AK8: variants seen among roughly 807,000 people sequenced by gnomAD.
AK8 encodes ATP-AMP transphosphorylase 8.
Under a neutral mutation model 54.6 loss-of-function variants are expected in AK8, and 44 were observed. That is an observed-to-expected ratio of 0.81 (90% confidence interval 0.63 to 1.04). The LOEUF (loss-of-function observed/expected upper bound fraction) is 1.04. Among genes scored for constraint, AK8 ranks in the 50% least tolerant of loss-of-function variants. The probability of loss-of-function intolerance (pLI) is 0.00; values close to 1 mark genes in which losing one functional copy is unlikely to be tolerated. For missense variants in AK8, 555 were observed against 613.6 expected, an observed-to-expected ratio of 0.90 and a Z score of 1.01; for synonymous variants, 239 against 245.6, an observed-to-expected ratio of 0.97 and a Z score of 0.25.
chr9:132,775,086 A>G (rs1839152587), intron 11 of AK8, among the ~76,000 whole-genome samples: 1 of 152,120 alleles, frequency 6.6e-6, no homozygotes, highest in South Asian at 2.1e-4. Context: ...TCTCCAAAGG[A>G]CATGTTTACC....
At chr9:132,856,364 G>A (rs1013637791) in intron 4 of AK8, among the ~76,000 whole-genome samples, 33 of 152,208 alleles carry the variant, frequency 2.2e-4, no homozygotes, top group African/African-American at 7.7e-4. Flanking sequence ...GGGCGACCCT[G>A]GGCAAAGCCT....
At chr9:132,833,857 C>T (rs940935335) in intron 5 of AK8, among the ~76,000 whole-genome samples, 2 of 152,268 alleles carry the variant, frequency 1.3e-5, no homozygotes, top group South Asian at 2.1e-4. Context: ...ATTATTAAAG[C>T]GCAATTAGCA....
intron 10 of AK8, among the ~76,000 whole-genome samples, chr9:132,807,135 C>T (rs915616917): frequency 8.5e-5 from 13 of 152,110 alleles, no homozygotes; most frequent in Non-Finnish European, 1.5e-4. Context: ...CTGGTATGTG[C>T]CAAGGAATGT....
chr9:132,874,674 G>A (rs1420932192), intron 2 of AK8, among the ~76,000 whole-genome samples: 1 of 152,196 alleles, frequency 6.6e-6, no homozygotes, highest in Non-Finnish European at 1.5e-5. Context: ...AACAGGCTCC[G>A]ATAATGAGAC....
intron 11 of AK8, among the ~76,000 whole-genome samples, chr9:132,748,712 G>A (rs1837767842): frequency 6.6e-6 from 1 of 151,812 alleles, no homozygotes; most frequent in South Asian, 2.1e-4. Context: ...GGTTGATCTC[G>A]ATATTAAAAG....
intron 5 of AK8, among the ~76,000 whole-genome samples, chr9:132,841,610 T>C (rs1483195907): frequency 2.6e-5 from 4 of 152,138 alleles, no homozygotes; most frequent in African/African-American, 9.7e-5. Context: ...CTCTGCGTGG[T>C]GGCCTGTAAA....
intron 10 of AK8, among the ~76,000 whole-genome samples, chr9:132,809,895 G>T (rs970446254): frequency 2.0e-5 from 3 of 152,248 alleles, no homozygotes; most frequent in Non-Finnish European, 4.4e-5. Context: ...TGGTCGGCTA[G>T]GCAGAGTTTC....
At chr9:132,808,645 C>A (rs433672) in intron 10 of AK8, among the ~76,000 whole-genome samples, 11 of 151,800 alleles carry the variant, frequency 7.2e-5, no homozygotes, top group African/African-American at 2.7e-4. Context: ...AGAGGCTGCA[C>A]GGGGAAAAGA....
chr9:132,752,639 T>C (rs116137107), intron 11 of AK8, among the ~76,000 whole-genome samples: 1 of 151,508 alleles, frequency 6.6e-6, no homozygotes, highest in Admixed American at 6.6e-5. Flanking sequence ...CCCCACCTTG[T>C]TCCTCCAGTG....
chr9:132,809,325 G>A (rs979185364), intron 10 of AK8, among the ~76,000 whole-genome samples: 1 of 152,194 alleles, frequency 6.6e-6, no homozygotes, highest in Admixed American at 6.5e-5. Flanking sequence ...GTTTCAGGAG[G>A]CAGGGCAGGT....
chr9:132,730,452 T>C (rs1049156014), intron 11 of AK8, among the ~76,000 whole-genome samples: 1 of 150,610 alleles, frequency 6.6e-6, no homozygotes. Context: ...TTTTTTTTTT[T>C]CCATCCTTGC....
rs1840591718 is a variant in AK8, at chr9:132,803,980, C to T, written c.979+10658G>A. Among the ~76,000 whole-genome samples, 1 of 151,884 alleles carries T rather than the reference C, an allele frequency of 6.6e-6. No individual in the cohort carries two copies. ...AATTAGCCGGGCGTGGTGGTGGGCG[C>T]CTGTAGTCCCAGTTACTCAGGAGGT... is the stretch of plus-strand genomic sequence containing the variant. On this transcript the variant is annotated intron_variant, in intron 10 of 12. Transcript: ENST00000298545. The surrounding 1 kb of genome is among the most constrained non-coding windows in gnomAD (Gnocchi z 4.4).
At chr9:132,779,700 A>G (rs1839378755) in intron 11 of AK8, among the ~76,000 whole-genome samples, 2 of 152,098 alleles carry the variant, frequency 1.3e-5, no homozygotes, top group Admixed American at 1.3e-4. Context: ...AGGTTAAAAG[A>G]GTAGAGATTA....
chr9:132,758,301 G>A (rs573760645), intron 11 of AK8, among the ~76,000 whole-genome samples: 4 of 152,292 alleles, frequency 2.6e-5, no homozygotes, highest in African/African-American at 9.6e-5. Context: ...AAAGAAAAAA[G>A]TCTAAATGCT....
In AK8 at chr9:132,847,015, C is replaced by A. The variant is rs972154238; in HGVS notation, c.402+7842G>T. Among the ~76,000 whole-genome samples, 3 of 152,372 alleles carry A rather than the reference C, an allele frequency of 2.0e-5. No individual in the cohort carries two copies. In the East Asian group the frequency reaches 5.8e-4, roughly 29 times the overall value. On this transcript the variant is annotated intron_variant, in intron 5 of 12. Coordinates refer to ENST00000298545, the MANE Select transcript of AK8 (RefSeq NM_152572.3). Reference sequence around the variant, plus strand: ...CCGAGATAGAGAGCTGGAGCAGAGGCTCTGGGCCTGCCTGCTCTCCTGCCT... The same window carrying A: ...CCGAGATAGAGAGCTGGAGCAGAGGATCTGGGCCTGCCTGCTCTCCTGCCT...
intron 5 of AK8, among the ~76,000 whole-genome samples, chr9:132,831,162 C>T (rs947714938): frequency 3.3e-5 from 5 of 151,540 alleles, no homozygotes; most frequent in East Asian, 1.9e-4. Flanking sequence ...TATAAGTTAT[C>T]GTAATGTCTA....
At chr9:132,745,624 G>T (rs990140200) in intron 11 of AK8, among the ~76,000 whole-genome samples, 1 of 152,136 alleles carries the variant, frequency 6.6e-6, no homozygotes, top group Non-Finnish European at 1.5e-5. Flanking sequence ...CTTCATGACC[G>T]TGGTGACACT....
chr9:132,814,583 G>A, intron 10 of AK8, 55 bp downstream of exon 10: 1 of 1,536,862 alleles, frequency 6.5e-7, no homozygotes, highest in South Asian at 1.2e-5. Flanking sequence ...CGCACAAAAA[G>A]AAAGTTCTCT....
At chr9:132,778,940 A>G (rs1391119820) in intron 11 of AK8, among the ~76,000 whole-genome samples, 1 of 146,884 alleles carries the variant, frequency 6.8e-6, no homozygotes, top group African/African-American at 2.6e-5. Context: ...GTCTTTGACT[A>G]TTTTGGGGTC....
Sources: allele counts gnomAD v4.1 joint callset (sites outside exome capture counted in the v4.1 genomes callset), GRCh38; gene constraint gnomAD v4.1.1; non-coding constraint Gnocchi (gnomAD v3.1); transcripts MANE v1.5; gene names NCBI Gene and HGNC (gene_info 2026-07-23, HGNC 2026-07-21).